TCHH: variants seen among roughly 807,000 people sequenced by gnomAD.
TCHH encodes trichohyalin.
In TCHH, 6 loss-of-function variants were observed where a neutral mutation model predicts 6.3. The observed-to-expected ratio is 0.95, with a 90% CI of 0.52 to 1.88. TCHH has a LOEUF of 1.88. Among genes scored for constraint, TCHH ranks in the 40% most tolerant of loss-of-function variants. TCHH has a pLI of 0.01. For synonymous variants in TCHH, 1,087 were observed against 963.6 expected, an observed-to-expected ratio of 1.13 and a Z score of -2.37; for missense variants, 2,920 against 2,449.1, an observed-to-expected ratio of 1.19 and a Z score of -4.06.
Position 152,111,227 on chromosome 1 carries a change from C to T in TCHH, c.1990G>A (p.Glu664Lys), listed in dbSNP as rs757371650. The change falls in exon 3 of 3, where the codon GAG (glutamate) becomes AAG (lysine). Residue 664 changes from glutamate to lysine, a missense_variant. Coordinates refer to ENST00000614923, the MANE Select transcript of TCHH (RefSeq NM_007113.4). The part of the protein sequence containing the change: ...RREQRLKREE[E>K]EERLEQRLKR... ...AGCCGCTGCTCGAGCCTCTCTTCCT[C>T]CTCCTCGCGCTTCAGCCGCTGCTCG... is the stretch of plus-strand genomic sequence containing the variant. 13 of 1,608,976 alleles carry T rather than the reference C, an allele frequency of 8.1e-6. No individual in the cohort carries two copies. The highest frequency in any genetic ancestry group is 1.1e-5 in the Non-Finnish European group (13 of 1,178,180).
Position 152,108,173 on chromosome 1 carries a change from G to C in TCHH, c.5044C>G (p.Gln1682Glu). 6.2e-7 allele frequency: 1 copy of C among 1,613,334 alleles called. No homozygotes were observed. The highest frequency in any genetic ancestry group is 8.5e-7 in the Non-Finnish European group (1 of 1,179,908). The change falls in exon 3 of 3, where the codon CAG (glutamine) becomes GAG (glutamate). Residue 1682 changes from glutamine (Q) to glutamate (E), a missense_variant. By Grantham distance (29) the Gln-to-Glu change is conservative. Coordinates refer to ENST00000614923, the MANE Select transcript of TCHH (RefSeq NM_007113.4). ...TCACGCTCTTGGCGGCGCAGCTGCT[G>C]TTCCTCCCCTTCCTGGAGCAGCTGT... ...EEQLLQEGEE[Q>E]QLRRQERDRK...
At position 152,110,142 on chromosome 1, in the gene TCHH, C is replaced by G. The variant is rs1277950867; in HGVS notation, c.3075G>C (p.Glu1025Asp). 1 of 1,609,370 alleles carries G rather than the reference C, an allele frequency of 6.2e-7. No homozygotes were observed. The highest frequency in any genetic ancestry group is 1.4e-5 in the African/African-American group (1 of 74,070). The change falls in exon 3 of 3, where the codon GAG becomes GAC. Residue 1025 changes from glutamate to aspartate, a missense_variant. Physicochemically the swap from Glu to Asp is conservative, Grantham distance 45. Transcript: ENST00000614923. ...EWERQYRKKDELQQEEEQLLR... is the reference protein window; with the variant it reads ...EWERQYRKKDDLQQEEEQLLR... The stretch of plus-strand genomic sequence containing the variant: ...GCAGCTGCTCTTCTTCCTGCTGCAG[C>G]TCGTCTTTTTTGCGGTACTGCCTCT...
In TCHH at chr1:152,108,649, TG is replaced by T. The variant is rs1307820136; in HGVS notation, c.4567del (p.Gln1523SerfsTer50). ...PERKFLEEEQ[Q>X]LHRQQRQRKF... Reference sequence around the variant, plus strand: ...TCTCTGCCGTTGCTGGCGGTGCAGCTGCTGTTCCTCCTCGAGGAATTTTCTC... The same window carrying T: ...TCTCTGCCGTTGCTGGCGGTGCAGCTCTGTTCCTCCTCGAGGAATTTTCTC... On this transcript the variant is annotated frameshift_variant, in exon 3 of 3. Transcript: ENST00000614923. LOFTEE classifies it low-confidence loss of function (END_TRUNC). 1 of 1,610,942 alleles carries T rather than the reference TG, an allele frequency of 6.2e-7. No individual in the cohort carries two copies. The highest frequency in any genetic ancestry group is 8.5e-7 in the Non-Finnish European group (1 of 1,179,442).
chr1:152,108,666 G>A lies in TCHH; in HGVS notation c.4551C>T (p.Phe1517=), dbSNP rs1658202662. 1 of 1,606,284 alleles carries A rather than the reference G, an allele frequency of 6.2e-7. No individual in the cohort carries two copies. Among genetic ancestry groups the A allele is most frequent in the African/African-American group, 1.4e-5 (1 of 72,834 alleles). The part of the protein sequence containing the change: ...ELRSQEPERK[F]LEEEQQLHRQ... The stretch of plus-strand genomic sequence containing the variant: ...GGTGCAGCTGCTGTTCCTCCTCGAG[G>A]AATTTTCTCTCTGGTTCCTGACTGC... Residue 1517 remains phenylalanine (F), a synonymous_variant, in exon 3 of 3, where the codon TTC becomes TTT. Transcript: ENST00000614923.
At position 152,109,079 on chromosome 1, in the gene TCHH, C is replaced by T. The variant is rs1371611350; in HGVS notation, c.4138G>A (p.Glu1380Lys). ...QEQGRKFLEE[E>K]QRLRRQERER... ...CGTTCCTGGCGGCGCAGCCGCTGTT[C>T]CTCCTCGAGGAATTTTCTCCCTTGT... Residue 1380 changes from glutamate to lysine, a missense_variant, in exon 3 of 3, where the codon GAA becomes AAA. Physicochemically the swap from Glu to Lys is moderately conservative, Grantham distance 56 (BLOSUM62 1). Coordinates refer to ENST00000614923, the MANE Select transcript of TCHH (RefSeq NM_007113.4). The T allele has an allele frequency of 1.2e-6, 2 of 1,613,902 alleles. No homozygotes were observed. The highest frequency in any genetic ancestry group is 1.7e-6 in the Non-Finnish European group (2 of 1,179,974).
chr1:152,111,830 C>T lies in TCHH; in HGVS notation c.1387G>A (p.Glu463Lys). The T allele has an allele frequency of 1.9e-6, 3 of 1,581,846 alleles. No individual in the cohort carries two copies. The highest frequency in any genetic ancestry group is 2.6e-6 in the Non-Finnish European group (3 of 1,166,118). ...CTCTCCTGCTCGTGCCTCTCCGTCT[C>T]CTCCTCGCGCTTCAGCCAATCGCGC... ...ERRDWLKREE[E>K]TERHEQERRK... is the part of the protein sequence containing the mutation. Residue 463 changes from glutamate (E) to lysine (K), a missense_variant, in exon 3 of 3, where the codon GAG becomes AAG. By Grantham distance (56) the Glu-to-Lys change is moderately conservative (BLOSUM62 1). Transcript: ENST00000614923.
rs758821776 is a variant in TCHH, at chr1:152,107,627, G to A, written c.5590C>T (p.Leu1864=). The A allele has an allele frequency of 6.2e-7, 1 of 1,614,038 alleles. No homozygotes were observed. The highest frequency in any genetic ancestry group is 8.5e-7 in the Non-Finnish European group (1 of 1,180,018). The change falls in exon 3 of 3, where the codon CTA becomes TTA. Residue 1864 remains leucine (L), a synonymous_variant. Transcript: ENST00000614923. Reference sequence around the variant, plus strand: ...CGTTTCTGCTCCTCTTCTTGCCATAGTTCTTGTTCCTCACGACGACTCTTC... The same window carrying A: ...CGTTTCTGCTCCTCTTCTTGCCATAATTCTTGTTCCTCACGACGACTCTTC... ...QEKSRREEQE[L]WQEEEQKRRQ...
At position 152,107,825 on chromosome 1, in the gene TCHH, G is replaced by A. The variant is rs377741532; in HGVS notation, c.5392C>T (p.Arg1798Cys). ...LRSQESDRKF[R>C]EEEQLRQERE... ...TCCTGGCGTAGCTGTTCCTCCTCGC[G>A]GAATTTTCTGTCAGACTCTTGGCTG... The change falls in exon 3 of 3, where the codon CGC becomes TGC. Residue 1798 changes from arginine to cysteine, a missense_variant. Physicochemically the swap from Arg to Cys is radical, Grantham distance 180. Coordinates refer to ENST00000614923, the MANE Select transcript of TCHH (RefSeq NM_007113.4). 11 of 1,613,986 alleles carry A rather than the reference G, an allele frequency of 6.8e-6. No individual in the cohort carries two copies. Among genetic ancestry groups the A allele is most frequent in the Non-Finnish European group, 8.5e-6 (10 of 1,179,992 alleles).
rs763301918 is a variant in TCHH, at chr1:152,107,915, C to G, written c.5302G>C (p.Glu1768Gln). ...EREEQQLRRQERDRKFREEEQ... is the reference protein window; with the variant it reads ...EREEQQLRRQQRDRKFREEEQ... ...TCCTCGCGGAATTTTCTGTCGCGCT[C>G]CTGGCGGCGCAGCTGCTGTTCTTCC... Residue 1768 changes from glutamate to glutamine, a missense_variant, in exon 3 of 3, where the codon GAG becomes CAG. Physicochemically the swap from Glu to Gln is conservative, Grantham distance 29. Coordinates refer to ENST00000614923, the MANE Select transcript of TCHH (RefSeq NM_007113.4). 6.2e-7 allele frequency: 1 copy of G among 1,613,850 alleles called. No homozygotes were observed. Among genetic ancestry groups the G allele is most frequent in the Non-Finnish European group, 8.5e-7 (1 of 1,179,942 alleles).
At position 152,111,528 on chromosome 1, in the gene TCHH, TCG is replaced by T. The variant is rs766444789; in HGVS notation, c.1687_1688del (p.Glu564AlafsTer113). ...CCTGCTCGCGCTTCAGCCGCTGCTC[TCG>T]CCTCTCCTGCTCGAGCCTCTTCTCC... ...EEEKRLEQER[R>X]EQRLKREQEE... On this transcript the variant is annotated frameshift_variant, in exon 3 of 3. Coordinates refer to ENST00000614923, the MANE Select transcript of TCHH (RefSeq NM_007113.4). LOFTEE classifies it low-confidence loss of function (END_TRUNC). 6.4e-6 allele frequency: 9 copies of T among 1,415,432 alleles called. No individual in the cohort carries two copies. Among genetic ancestry groups the T allele is most frequent in the Non-Finnish European group, 8.5e-6 (9 of 1,064,180 alleles). 87.7% of individuals were successfully genotyped at this position (1,415,432 alleles called of 1,614,324 possible). A position where few individuals can be genotyped will look rare whatever the true frequency, so the allele number is the denominator to read the frequency against.
chr1:152,113,059 G>C lies in TCHH; in HGVS notation c.158C>G (p.Thr53Arg), dbSNP rs1247756735. 3 of 1,609,116 alleles carry C rather than the reference G, an allele frequency of 1.9e-6. No homozygotes were observed. The highest frequency in any genetic ancestry group is 2.5e-6 in the Non-Finnish European group (3 of 1,177,306). ...CAGAAGTTCCAGGATCAGATCTACC[G>C]TCTTAGGGTCATGTGGTCTCTATAA... Reference protein sequence around the residue: ...AVLRRPHDPKTVDLILELLDL... With the variant: ...AVLRRPHDPKRVDLILELLDL... Residue 53 changes from threonine to arginine, a missense_variant, in exon 3 of 3, where the codon ACG (threonine) becomes AGG (arginine). Transcript: ENST00000614923.
In TCHH at chr1:152,107,547, C is replaced by T. The variant is rs1290161492; in HGVS notation, c.5670G>A (p.Lys1890=). 2 of 1,614,164 alleles carry T rather than the reference C, an allele frequency of 1.2e-6. No individual in the cohort carries two copies. The highest frequency in any genetic ancestry group is 4.5e-5 in the East Asian group (2 of 44,890). ...CGACTTGGCGGTGCCTCTGTTCCTC[C>T]TTCTGCTGGCGGCGGATGTGTTCTT... ...LREEHIRRQQ[K]EEQRHRQVGE... Residue 1890 remains lysine (K), a synonymous_variant, in exon 3 of 3, where the codon AAG becomes AAA. Coordinates refer to ENST00000614923, the MANE Select transcript of TCHH (RefSeq NM_007113.4).
At position 152,110,731 on chromosome 1, in the gene TCHH, TTCTC is replaced by T; in HGVS notation, c.2482_2485del (p.Glu828LysfsTer50). 1 of 1,610,588 alleles carries T rather than the reference TTCTC, an allele frequency of 6.2e-7. No homozygotes were observed. The highest frequency in any genetic ancestry group is 8.5e-7 in the Non-Finnish European group (1 of 1,179,950). ...CTCTTCCTCCAGGAACTGCAGCTCT[TTCTC>T]CCTCTCGCGTCGCTGGCGGCGCCGC... On this transcript the variant is annotated frameshift_variant, in exon 3 of 3. Transcript: ENST00000614923. LOFTEE classifies it low-confidence loss of function (END_TRUNC).
chr1:152,108,934 C>A lies in TCHH; in HGVS notation c.4283G>T (p.Arg1428Leu). 1 of 1,611,242 alleles carries A rather than the reference C, an allele frequency of 6.2e-7. No individual in the cohort carries two copies. Among genetic ancestry groups the A allele is most frequent in the Non-Finnish European group, 8.5e-7 (1 of 1,179,344 alleles). The change falls in exon 3 of 3, where the codon CGT becomes CTT. Residue 1428 changes from arginine to leucine, a missense_variant. Physicochemically the swap from Arg to Leu is moderately radical, Grantham distance 102. Transcript: ENST00000614923. ...EEEQQLSRQE[R>L]DRKFREEEQQ... ...TTCCTCTTCACGGAATTTTCTGTCA[C>A]GCTCTTGGCGGCTCAGCTGCTGTTC...
rs779292167 is a variant in TCHH at position 152,109,084 on chromosome 1, T to G, written c.4133A>C (p.Glu1378Ala). ...RHQEQGRKFL[E>A]EEQRLRRQER... ...CTGGCGGCGCAGCCGCTGTTCCTCCTCGAGGAATTTTCTCCCTTGTTCCTG... is the reference window on the plus strand; with the variant it reads ...CTGGCGGCGCAGCCGCTGTTCCTCCGCGAGGAATTTTCTCCCTTGTTCCTG... Residue 1378 changes from glutamate to alanine, a missense_variant, in exon 3 of 3, where the codon GAG (glutamate) becomes GCG (alanine). Glu to Ala is a moderately radical substitution (Grantham distance 107). Transcript: ENST00000614923. 5.0e-6 allele frequency: 8 copies of G among 1,613,136 alleles called. No homozygotes were observed. In the South Asian group the frequency reaches 8.8e-5, roughly 18 times the overall value.
Position 152,110,684 on chromosome 1 carries a change from G to T in TCHH, c.2533C>A (p.Arg845Ser). Residue 845 changes from arginine to serine, a missense_variant, in exon 3 of 3, where the codon CGT becomes AGT. Physicochemically the swap from Arg to Ser is moderately radical, Grantham distance 110. Coordinates refer to ENST00000614923, the MANE Select transcript of TCHH (RefSeq NM_007113.4). The part of the protein sequence containing the change: ...EEEEQLQRRE[R>S]AQQLQEEEDG... Reference sequence around the variant, plus strand: ...TCCTCCTCCTGGAGCTGTTGGGCACGCTCCCGCCGCTGGAGCTGCTCCTCT... The same window carrying T: ...TCCTCCTCCTGGAGCTGTTGGGCACTCTCCCGCCGCTGGAGCTGCTCCTCT... 3 of 1,612,034 alleles carry T rather than the reference G, an allele frequency of 1.9e-6. No individual in the cohort carries two copies. Among genetic ancestry groups the T allele is most frequent in the Non-Finnish European group, 2.5e-6 (3 of 1,179,664 alleles).
rs71625154 is a variant in TCHH at position 152,108,825 on chromosome 1, G to C, written c.4392C>G (p.Arg1464=). 2.5e-6 allele frequency: 4 copies of C among 1,608,448 alleles called. No individual in the cohort carries two copies. The highest frequency in any genetic ancestry group is 3.4e-6 in the Non-Finnish European group (4 of 1,178,946). The change falls in exon 3 of 3, where the codon CGC becomes CGG. Residue 1464 remains arginine (R), a synonymous_variant. Transcript: ENST00000614923. The part of the protein sequence containing the change: ...QLRQERHRKF[R]EEEQLLQERE... ...TTTCCTGGAGCAGCTGTTCCTCTTC[G>C]CGGAATTTTCTGTGACGCTCCTGGC... is the stretch of plus-strand genomic sequence containing the variant.
In TCHH at chr1:152,108,065, G is replaced by A. The variant is rs750366084; in HGVS notation, c.5152C>T (p.Arg1718Cys). 8.7e-6 allele frequency: 14 copies of A among 1,613,828 alleles called. No homozygotes were observed. Among genetic ancestry groups the A allele is most frequent in the Admixed American group, 1.7e-5 (1 of 59,982 alleles). ...KFLQEEQQLR[R>C]QELERKFREE... ...CGGAATTTTCTCTCCAGTTCCTGGC[G>A]GCGCAGCTGCTGTTCCTCCTGGAGG... is the stretch of plus-strand genomic sequence containing the variant. The change falls in exon 3 of 3, where the codon CGC becomes TGC. Residue 1718 changes from arginine (R) to cysteine (C), a missense_variant. Coordinates refer to ENST00000614923, the MANE Select transcript of TCHH (RefSeq NM_007113.4).
Position 152,112,550 on chromosome 1 carries a change from G to C in TCHH, c.667C>G (p.Arg223Gly), listed in dbSNP as rs1391741877. 2.5e-6 allele frequency: 4 copies of C among 1,613,134 alleles called. No individual in the cohort carries two copies. The highest frequency in any genetic ancestry group is 1.1e-5 in the South Asian group (1 of 91,048). Residue 223 changes from arginine to glycine, a missense_variant, in exon 3 of 3, where the codon CGC (arginine) becomes GGC (glycine). Physicochemically the swap from Arg to Gly is moderately radical, Grantham distance 125 (BLOSUM62 -2). Coordinates refer to ENST00000614923, the MANE Select transcript of TCHH (RefSeq NM_007113.4). Reference sequence around the variant, plus strand: ...CGCCTTTGCTGCTGTTTCTCCTCGCGGCCCTTCCTCCTCAGCTCCAGCAGC... The same window carrying C: ...CGCCTTTGCTGCTGTTTCTCCTCGCCGCCCTTCCTCCTCAGCTCCAGCAGC... ...RELLELRRKG[R>G]EEKQQQRRER...
Sources: gnomAD v4.1 joint callset for allele counts on GRCh38, gnomAD v4.1.1 for gene constraint, MANE v1.5 for transcripts, NCBI Gene and HGNC (gene_info 2026-07-23, HGNC 2026-07-21) for gene names.